FRMPD4: variants seen among roughly 807,000 people sequenced by gnomAD.
The protein encoded by FRMPD4 is FERM and PDZ domain-containing protein 4.
Under a neutral mutation model 94.1 loss-of-function variants are expected in FRMPD4, and 22 were observed. The observed-to-expected ratio is 0.23, with a 90% CI of 0.17 to 0.33. The LOEUF (loss-of-function observed/expected upper bound fraction) is 0.33, where lower values mean the gene tolerates loss of function less well. Ranked by LOEUF, FRMPD4 falls within the 10% of genes least tolerant of loss-of-function variation. The probability of loss-of-function intolerance (pLI) is 1.00; values close to 1 mark genes in which losing one functional copy is unlikely to be tolerated. For missense variants in FRMPD4, 1,111 were observed against 1,339.9 expected (o/e 0.83, Z 2.67); for synonymous variants, 631 against 548.6 (o/e 1.15, Z -2.10).
intron 3 of FRMPD4, among the ~76,000 whole-genome samples, chrX:12,055,806 A>T (rs2054850898): frequency 9.0e-6 from 1 of 111,582 alleles, no homozygotes; most frequent in Admixed American, 9.5e-5. Context: ...TTTCTGGGTG[A>T]TAGGACTTAA....
intron 3 of FRMPD4, among the ~76,000 whole-genome samples, chrX:11,890,397 G>A (rs1358276): frequency 0.44 from 48,752 of 110,043 alleles, 8,314 homozygotes; most frequent in Middle Eastern, 0.54. Context: ...GCACATTAAA[G>A]TGTGCCGAGA....
chrX:11,891,955 G>T (rs1179290911), intron 3 of FRMPD4, among the ~76,000 whole-genome samples: 8 of 112,177 alleles, frequency 7.1e-5, no homozygotes, highest in African/African-American at 2.6e-4. Flanking sequence ...ATGATTTGAT[G>T]AATGAATAAG....
chrX:11,843,978 C>CTTTTTT (rs1193068056), intron 1 of FRMPD4, among the ~76,000 whole-genome samples: 7 of 61,402 alleles, frequency 1.1e-4, no homozygotes, highest in East Asian at 5.1e-4. Context: ...GTTATGAATT[C>CTTTTTT]TTTTTTTTTT....
At chrX:12,158,286 C>A (rs920621161) in intron 1 of FRMPD4, among the ~76,000 whole-genome samples, 1 of 111,963 alleles carries the variant, frequency 8.9e-6, no homozygotes, top group Admixed American at 9.5e-5. Context: ...AGAAAAAAAT[C>A]TTTGTCTCTC....
chrX:11,971,383 T>C (rs1368452817), intron 3 of FRMPD4, among the ~76,000 whole-genome samples: 8 of 112,940 alleles, frequency 7.1e-5, no homozygotes, highest in Non-Finnish European at 1.3e-4. Flanking sequence ...GTAATTTTAT[T>C]ATTTATGTGA....
intron 4 of FRMPD4, among the ~76,000 whole-genome samples, chrX:12,650,607 A>G (rs959130547): frequency 8.0e-5 from 9 of 112,149 alleles, no homozygotes; most frequent in African/African-American, 2.3e-4. Context: ...GGAAATCATC[A>G]TAGTATTTGG....
At position 12,479,385 on chromosome X, in the gene FRMPD4, T is replaced by TATATATATACATATACACAC. The variant is rs2057645812; in HGVS notation, c.42-19280_42-19279insCACACATATATATACATATA. 3.5e-4 allele frequency among the ~76,000 whole-genome samples: 30 copies of TATATATATACATATACACAC among 84,568 alleles called. No individual in the cohort carries two copies. The East Asian group carries it at 0.011, about 31-fold the overall frequency. 73.4% of individuals were successfully genotyped at this position (84,568 alleles called of 115,157 possible). A position where few individuals can be genotyped will look rare whatever the true frequency, so the allele number is the denominator to read the frequency against. ...ACACACACATATACATATATACACA[T>TATATATATACATATACACAC]ATATATATACATATATACACATATA... On this transcript the variant is annotated intron_variant, in intron 1 of 16. Coordinates refer to ENST00000675598, the MANE Select transcript of FRMPD4 (RefSeq NM_001368397.1).
At chrX:12,154,390 C>T (rs192442008) in intron 1 of FRMPD4, among the ~76,000 whole-genome samples, 31 of 112,872 alleles carry the variant, frequency 2.7e-4, no homozygotes, top group South Asian at 2.6e-3. Flanking sequence ...TAATAAATTG[C>T]GTTCCCTTTT....
chrX:12,093,696 T>C (rs2055174117), intron 3 of FRMPD4, among the ~76,000 whole-genome samples: 1 of 108,816 alleles, frequency 9.2e-6, no homozygotes, highest in Non-Finnish European at 1.9e-5. Context: ...ATGACAGAAG[T>C]ATGCTTTGTA....
intron 1 of FRMPD4, among the ~76,000 whole-genome samples, chrX:12,198,495 C>T (rs982867581): frequency 6.2e-5 from 7 of 112,203 alleles, no homozygotes; most frequent in African/African-American, 2.3e-4. Flanking sequence ...TCTGTGTGCA[C>T]ATTAATGATT....
At chrX:12,122,276 T>A (rs754641779) in intron 3 of FRMPD4, among the ~76,000 whole-genome samples, 74 of 111,719 alleles carry the variant, frequency 6.6e-4, no homozygotes, top group African/African-American at 2.3e-3. Flanking sequence ...AGCCTAAAAT[T>A]TACGAAAGAT....
At chrX:12,059,547 G>A (rs1288442574) in intron 3 of FRMPD4, among the ~76,000 whole-genome samples, 1 of 110,470 alleles carries the variant, frequency 9.1e-6, no homozygotes, top group Non-Finnish European at 1.9e-5. Flanking sequence ...GAGGTTTGGG[G>A]TACGAATGAT....
At chrX:12,633,194 G>C (rs745592959) in intron 4 of FRMPD4, among the ~76,000 whole-genome samples, 1 of 112,178 alleles carries the variant, frequency 8.9e-6, no homozygotes, top group Non-Finnish European at 1.9e-5. Flanking sequence ...GTGTCTATCT[G>C]TATATGTACT....
chrX:12,632,096 A>G (rs778813434), intron 4 of FRMPD4, among the ~76,000 whole-genome samples: 173 of 111,867 alleles, frequency 1.5e-3, no homozygotes, highest in Non-Finnish European at 2.4e-3. Context: ...TTACATGTGA[A>G]CTTGCAGATT....
chrX:12,336,306 T>C (rs904925538), intron 1 of FRMPD4, among the ~76,000 whole-genome samples: 2 of 111,954 alleles, frequency 1.8e-5, no homozygotes, highest in African/African-American at 6.5e-5. Flanking sequence ...TATCTGGCAG[T>C]TGGCATAGCT....
At chrX:12,142,697 G>A (rs1403673757) in intron 1 of FRMPD4, among the ~76,000 whole-genome samples, 1 of 112,045 alleles carries the variant, frequency 8.9e-6, no homozygotes, top group Non-Finnish European at 1.9e-5. Flanking sequence ...AGTTTCCCAA[G>A]AGTTGCTAGT....
intron 2 of FRMPD4, among the ~76,000 whole-genome samples, chrX:12,593,866 T>C (rs896831050): frequency 1.8e-5 from 2 of 111,918 alleles, no homozygotes; most frequent in African/African-American, 6.5e-5. Flanking sequence ...CATTTTAATT[T>C]TGAAAACTTA....
intron 1 of FRMPD4, among the ~76,000 whole-genome samples, chrX:11,853,895 T>A (rs2053639564): frequency 8.9e-6 from 1 of 112,249 alleles, no homozygotes; most frequent in African/African-American, 3.2e-5. Context: ...GCCAGCATCA[T>A]CCTGATACCC....
rs148716119 is a variant in FRMPD4 at position 11,824,619 on chromosome X, A to G, written c.-161+1904A>G. ...GGTTGACAATCACTATTTTAGGCTG[A>G]GAATGGTCCTTCATGACTCCAACTT... On this transcript the variant is annotated intron_variant, in intron 1 of 18. Transcript: ENST00000640291. 6.5e-3 allele frequency among the ~76,000 whole-genome samples: 725 copies of G among 112,018 alleles called. 3 individuals are homozygous for G. The highest frequency in any genetic ancestry group is 0.023 in the Middle Eastern group (5 of 218).
Sources: allele counts gnomAD v4.1 joint callset (sites outside exome capture counted in the v4.1 genomes callset), GRCh38; gene constraint gnomAD v4.1.1; transcripts MANE v1.5; gene names NCBI Gene and HGNC (gene_info 2026-07-23, HGNC 2026-07-21).